The following PTPRJ variants were observed in gnomAD, a reference collection of about 807,000 sequenced individuals.
PTPRJ encodes the protein protein tyrosine phosphatase receptor type J.
PTPRJ carries 129 observed loss-of-function variants against 141.3 expected under a neutral mutation model. The observed-to-expected ratio is 0.91, with a 90% CI of 0.79 to 1.06. The LOEUF is 1.06. Among genes scored for constraint, PTPRJ ranks in the 50% least tolerant of loss-of-function variants. PTPRJ has a pLI of 0.00. For synonymous variants in PTPRJ, 610 were observed against 640.5 expected, an observed-to-expected ratio of 0.95 and a Z score of 0.72; for missense variants, 1,601 against 1,679.7, an observed-to-expected ratio of 0.95 and a Z score of 0.82.
chr11:47,996,266 C>T (rs376835032), intron 1 of PTPRJ, among the ~76,000 whole-genome samples: 5 of 141,728 alleles, frequency 3.5e-5, no homozygotes, highest in African/African-American at 8.0e-5. Context: ...ACCCGGGAGG[C>T]GGAGCTTGCA....
intron 1 of PTPRJ, among the ~76,000 whole-genome samples, chr11:48,088,494 G>A (rs534379898): frequency 5.3e-5 from 8 of 152,300 alleles, no homozygotes; most frequent in East Asian, 1.9e-4. Context: ...AGAAGGAAGC[G>A]TGGTAACTTG....
intron 1 of PTPRJ, among the ~76,000 whole-genome samples, chr11:47,995,089 A>G (rs779003827): frequency 3.9e-5 from 6 of 152,200 alleles, no homozygotes; most frequent in Non-Finnish European, 7.3e-5. Context: ...AATTTATCTA[A>G]TAAGTCCTGT....
At chr11:48,047,605 C>T (rs1046479223) in intron 1 of PTPRJ, among the ~76,000 whole-genome samples, 5 of 151,732 alleles carry the variant, frequency 3.3e-5, no homozygotes, top group Admixed American at 2.0e-4. Flanking sequence ...CCGGTTCAAG[C>T]GATCTTCCTG....
chr11:48,110,734 A>G (rs1163830375), intron 2 of PTPRJ, among the ~76,000 whole-genome samples: 2 of 152,092 alleles, frequency 1.3e-5, no homozygotes, highest in Non-Finnish European at 2.9e-5. Context: ...CTACATTGCT[A>G]CATTTAAAGA....
rs1857964634 is a variant in PTPRJ, at chr11:48,168,184, T to C, written c.*822T>C. The C allele has an allele frequency of 6.6e-6, 1 of 152,090 alleles. No homozygotes were observed. Among genetic ancestry groups the C allele is most frequent in the East Asian group, 1.9e-4 (1 of 5,178 alleles). 9.4% of individuals were successfully genotyped at this position (152,090 alleles called of 1,614,324 possible). A position where few individuals can be genotyped will look rare whatever the true frequency, so the allele number is the denominator to read the frequency against. The stretch of plus-strand genomic sequence containing the variant: ...TTGGGTGAGAATGGCGACTCAAATA[T>C]CACCTTGAGAATTTCTGTGGGTGGG... On this transcript the variant is annotated 3_prime_UTR_variant, in exon 25 of 25. Transcript: ENST00000418331.
rs574007475 is a variant in PTPRJ at position 48,057,097 on chromosome 11, G to A, written c.97-52961G>A. 2.0e-5 allele frequency among the ~76,000 whole-genome samples: 3 copies of A among 152,288 alleles called. No homozygotes were observed. The East Asian group carries it at 5.8e-4, about 29-fold the overall frequency. On this transcript the variant is annotated intron_variant, in intron 1 of 24. Coordinates refer to ENST00000418331, the MANE Select transcript of PTPRJ (RefSeq NM_002843.4). Reference sequence around the variant, plus strand: ...TTGCATGCCGTGTCCTGGTGGTGTGGCCTACCGCAGAGTGACTGACTCTGA... The same window carrying A: ...TTGCATGCCGTGTCCTGGTGGTGTGACCTACCGCAGAGTGACTGACTCTGA...
intron 1 of PTPRJ, among the ~76,000 whole-genome samples, chr11:48,075,590 A>ATT (rs1035656236): frequency 6.6e-6 from 1 of 150,582 alleles, no homozygotes; most frequent in African/African-American, 2.4e-5. Flanking sequence ...GCTAATTTAA[A>ATT]TTTTTTTTGT....
chr11:48,128,165 A>G, intron 7 of PTPRJ, 122 bp downstream of exon 7: 1 of 1,275,410 alleles, frequency 7.8e-7, no homozygotes, highest in Non-Finnish European at 1.1e-6. Context: ...GCTTCGTGTG[A>G]CATGCTTTCC....
chr11:48,149,924 G>A lies in PTPRJ; in HGVS notation c.3042-66G>A, dbSNP rs185397220. On this transcript the variant is annotated intron_variant, in intron 16 of 24. Coordinates refer to ENST00000418331, the MANE Select transcript of PTPRJ (RefSeq NM_002843.4). ...TGTTGTTTTGGGAAGATTGTTTACT[G>A]TCATTTCTAGAGTATGAATGAGTCT... 2,665 of 1,253,486 alleles carry A rather than the reference G, an allele frequency of 2.1e-3. 2 individuals are homozygous for A. The highest frequency in any genetic ancestry group is 2.7e-3 in the Non-Finnish European group (2,427 of 886,420). 77.6% of individuals were successfully genotyped at this position (1,253,486 alleles called of 1,614,324 possible).
At chr11:48,073,660 C>T (rs1000362646) in intron 1 of PTPRJ, among the ~76,000 whole-genome samples, 2 of 151,308 alleles carry the variant, frequency 1.3e-5, no homozygotes, top group South Asian at 2.1e-4. Context: ...TTCCCTTGAT[C>T]GGTTTTTCCT....
chr11:48,126,667 T>C (rs935092344), intron 6 of PTPRJ, among the ~76,000 whole-genome samples: 12 of 151,694 alleles, frequency 7.9e-5, no homozygotes, highest in African/African-American at 2.2e-4. Context: ...AGGGAGGTAA[T>C]TCATGATCTA....
chr11:48,002,136 A>ATTT (rs36029619), intron 1 of PTPRJ, among the ~76,000 whole-genome samples: 2 of 130,400 alleles, frequency 1.5e-5, no homozygotes, highest in Non-Finnish European at 3.2e-5. Context: ...TCCTATTTAA[A>ATTT]TTTTTTTTTT....
chr11:48,043,451 GACCAGCA>G (rs1854316557), intron 1 of PTPRJ, among the ~76,000 whole-genome samples: 1 of 152,144 alleles, frequency 6.6e-6, no homozygotes, highest in African/African-American at 2.4e-5. Flanking sequence ...GGTAGAGCAA[GACCAGCA>G]ACCTCTTGGC....
chr11:48,126,722 G>T (rs1323326291), intron 6 of PTPRJ, among the ~76,000 whole-genome samples: 1 of 151,292 alleles, frequency 6.6e-6, no homozygotes, highest in Admixed American at 6.6e-5. Flanking sequence ...CACATCAGGG[G>T]TTACAATTTC....
At chr11:48,000,040 G>A (rs1854451523) in intron 1 of PTPRJ, among the ~76,000 whole-genome samples, 1 of 151,568 alleles carries the variant, frequency 6.6e-6, no homozygotes, top group African/African-American at 2.4e-5. Flanking sequence ...TGTATTTTTA[G>A]TAGAGATGGG....
intron 1 of PTPRJ, among the ~76,000 whole-genome samples, chr11:48,066,492 C>T (rs754352137): frequency 2.0e-5 from 3 of 151,928 alleles, no homozygotes; most frequent in Non-Finnish European, 4.4e-5. Context: ...GATCTCCCCT[C>T]TCCACTGTGA....
intron 1 of PTPRJ, among the ~76,000 whole-genome samples, chr11:48,053,261 TATATTATATAA>T (rs1405813738): frequency 2.3e-5 from 2 of 85,202 alleles, no homozygotes; most frequent in African/African-American, 1.1e-4. Flanking sequence ...ATATATATAA[TATATTATATAA>T]ATATATAAAT....
At position 48,137,135 on chromosome 11, in the gene PTPRJ, A is replaced by T. The variant is rs1857121359; in HGVS notation, c.2006A>T (p.Asn669Ile). 2.5e-6 allele frequency: 4 copies of T among 1,612,882 alleles called. No homozygotes were observed. In the East Asian group the frequency reaches 6.7e-5, roughly 27 times the overall value. The change falls in exon 10 of 25, where the codon AAC becomes ATC. Residue 669 changes from asparagine (N) to isoleucine (I), a missense_variant. By Grantham distance (149) the Asn-to-Ile change is moderately radical (BLOSUM62 -3). Coordinates refer to ENST00000418331, the MANE Select transcript of PTPRJ (RefSeq NM_002843.4). ...LLIEKAGNSS[N>I]ATQVVTDIGI... ...ATTGAGAAGGCTGGAAATTCCAGCA[A>T]CGCAACACAAGTAGTCACGGACATT... is the stretch of plus-strand genomic sequence containing the variant.
intron 5 of PTPRJ, among the ~76,000 whole-genome samples, chr11:48,124,509 C>T (rs1856790376): frequency 6.6e-6 from 1 of 152,176 alleles, no homozygotes; most frequent in African/African-American, 2.4e-5. Context: ...AGAGCAGCTC[C>T]CTCTGCACAC....
Sources: allele counts gnomAD v4.1 joint callset (sites outside exome capture counted in the v4.1 genomes callset), GRCh38; gene constraint gnomAD v4.1.1; transcripts MANE v1.5; gene names NCBI Gene and HGNC (gene_info 2026-07-23, HGNC 2026-07-21).